PRKN: variants seen among roughly 807,000 people sequenced by gnomAD.
PRKN encodes the protein E3 ubiquitin-protein ligase parkin.
PRKN carries 56 observed loss-of-function variants against 59.5 expected under a neutral mutation model. The ratio of observed to expected loss-of-function variants is 0.94; its 90% CI spans 0.76 to 1.18. The LOEUF is 1.18. PRKN is among the 50% of genes most tolerant of loss of function. The probability of loss-of-function intolerance (pLI) is 0.00; values close to 1 mark genes in which losing one functional copy is unlikely to be tolerated. For synonymous variants in PRKN, 250 were observed against 222.1 expected, an observed-to-expected ratio of 1.13 and a Z score of -1.12; for missense variants, 657 against 596.4, an observed-to-expected ratio of 1.10 and a Z score of -1.06.
At chr6:161,375,187 T>G (rs1203410919) in intron 10 of PRKN, among the ~76,000 whole-genome samples, 5 of 151,806 alleles carry the variant, frequency 3.3e-5, no homozygotes, top group African/African-American at 4.8e-5. Flanking sequence ...CCCCCGGGGG[T>G]GCTGAGGCTC....
At chr6:162,401,972 G>A (rs976192885) in intron 2 of PRKN, among the ~76,000 whole-genome samples, 4 of 152,042 alleles carry the variant, frequency 2.6e-5, no homozygotes, top group Admixed American at 6.6e-5. Context: ...CAGTGTTGCC[G>A]GGTGAAGTGG....
chr6:161,750,096 G>A (rs1484636427), intron 7 of PRKN, among the ~76,000 whole-genome samples: 1 of 98,386 alleles, frequency 1.0e-5, no homozygotes, highest in African/African-American at 4.8e-5. Flanking sequence ...GCACACATAG[G>A]ACATATATAT....
At chr6:161,908,067 G>C (rs1000226982) in intron 6 of PRKN, among the ~76,000 whole-genome samples, 1 of 151,650 alleles carries the variant, frequency 6.6e-6, no homozygotes, top group African/African-American at 2.4e-5. Flanking sequence ...GACAAAGCAA[G>C]ACTCCATCTC....
chr6:162,239,116 T>C lies in PRKN; in HGVS notation c.412+23409A>G, dbSNP rs78439339. On this transcript the variant is annotated intron_variant, in intron 3 of 11. Transcript: ENST00000366898. ...AAATGTAATATTTTAGATAAATCAC[T>C]GAATACAATTAGTATAGTAAGTACA... Among the ~76,000 whole-genome samples the C allele has an allele frequency of 8.1e-3, 1,241 of 152,290 alleles. 15 individuals carry two copies. Among genetic ancestry groups the C allele is most frequent in the African/African-American group, 0.029 (1,199 of 41,562 alleles).
chr6:162,360,260 T>C (rs980712768), intron 2 of PRKN, among the ~76,000 whole-genome samples: 2 of 152,186 alleles, frequency 1.3e-5, no homozygotes, highest in Admixed American at 6.6e-5. Flanking sequence ...ATATTTGTTA[T>C]TTAATCCATG....
intron 6 of PRKN, 41 bp from the exon 7 acceptor site, chr6:161,785,949 G>T: frequency 6.2e-7 from 1 of 1,610,654 alleles, no homozygotes; most frequent in Non-Finnish European, 8.5e-7. Context: ...GTACCTGTCA[G>T]TGTGGAAAGG....
intron 6 of PRKN, among the ~76,000 whole-genome samples, chr6:161,855,117 G>C (rs899032262): frequency 7.0e-6 from 1 of 141,870 alleles, no homozygotes; most frequent in African/African-American, 2.6e-5. Flanking sequence ...AAAAGAAAAA[G>C]AAAAGTGGTT....
At chr6:161,537,004 T>C (rs1386507801) in intron 9 of PRKN, among the ~76,000 whole-genome samples, 1 of 152,230 alleles carries the variant, frequency 6.6e-6, no homozygotes, top group Non-Finnish European at 1.5e-5. Context: ...TTTAATCCTA[T>C]CTTTCTACTT....
chr6:162,525,524 C>T (rs967145129), intron 1 of PRKN, among the ~76,000 whole-genome samples: 1 of 152,200 alleles, frequency 6.6e-6, no homozygotes, highest in Non-Finnish European at 1.5e-5. Flanking sequence ...AAATTGGCTC[C>T]ATCTCCTCGA....
At chr6:162,130,087 T>C (rs1483294154) in intron 4 of PRKN, among the ~76,000 whole-genome samples, 1 of 152,240 alleles carries the variant, frequency 6.6e-6, no homozygotes, top group East Asian at 1.9e-4. Flanking sequence ...CATCTTATTG[T>C]ACAGACCCTA....
At chr6:162,177,049 AT>A (rs1783573233) in intron 4 of PRKN, among the ~76,000 whole-genome samples, 1 of 152,100 alleles carries the variant, frequency 6.6e-6, no homozygotes, top group South Asian at 2.1e-4. Context: ...ACACAAAAAA[AT>A]AAATAAATGC....
At chr6:162,456,410 A>G (rs1394059377) in intron 1 of PRKN, among the ~76,000 whole-genome samples, 1 of 152,192 alleles carries the variant, frequency 6.6e-6, no homozygotes, top group South Asian at 2.1e-4. Context: ...AGTGATTTGT[A>G]TACTAAAAAT....
At chr6:162,355,453 T>C (rs893996904) in intron 2 of PRKN, among the ~76,000 whole-genome samples, 1 of 151,842 alleles carries the variant, frequency 6.6e-6, no homozygotes. Flanking sequence ...TAGATATATA[T>C]ACACACACAC....
chr6:162,426,473 C>G (rs1373616364), intron 2 of PRKN, among the ~76,000 whole-genome samples: 1 of 152,196 alleles, frequency 6.6e-6, no homozygotes, highest in African/African-American at 2.4e-5. Context: ...TTTTCTGAGA[C>G]AAGGTCTGGC....
Position 161,428,463 on chromosome 6 carries a change from C to T in PRKN, c.1084-41586G>A, listed in dbSNP as rs112439738. On this transcript the variant is annotated intron_variant, in intron 9 of 11. Transcript: ENST00000366898. The surrounding 1 kb of genome is among the most constrained non-coding windows in gnomAD (Gnocchi z 4.0). ...AGCCTCATGGAGAGACAGGCGGCTG[C>T]TCCGTCCATCTTCGAACCTGGCTGG... 1.2e-4 allele frequency among the ~76,000 whole-genome samples: 18 copies of T among 152,114 alleles called. No homozygotes were observed. Among genetic ancestry groups the T allele is most frequent in the African/African-American group, 4.1e-4 (17 of 41,396 alleles).
chr6:162,252,306 G>A (rs1361669895), intron 3 of PRKN, among the ~76,000 whole-genome samples: 1 of 152,172 alleles, frequency 6.6e-6, no homozygotes, highest in Non-Finnish European at 1.5e-5. Flanking sequence ...TATTTGTCAG[G>A]TGAAGAATTC....
intron 2 of PRKN, among the ~76,000 whole-genome samples, chr6:162,355,488 G>A (rs1335737281): frequency 2.0e-5 from 3 of 151,708 alleles, no homozygotes; most frequent in African/African-American, 7.3e-5. Flanking sequence ...GGAGGAGTCA[G>A]GAAATACCTC....
intron 2 of PRKN, among the ~76,000 whole-genome samples, chr6:162,293,084 T>A (rs1781515874): frequency 6.6e-6 from 1 of 152,170 alleles, no homozygotes; most frequent in South Asian, 2.1e-4. Context: ...ATGTTTAGCA[T>A]CCTGGGTAAG....
intron 1 of PRKN, among the ~76,000 whole-genome samples, chr6:162,477,859 C>A: frequency 6.6e-6 from 1 of 152,172 alleles, no homozygotes; most frequent in East Asian, 1.9e-4. Context: ...TTATACCCGT[C>A]TTACAAATCC....
Sources: gnomAD v4.1 joint callset for allele counts (sites outside exome capture counted in the v4.1 genomes callset) on GRCh38, gnomAD v4.1.1 for gene constraint, Gnocchi (gnomAD v3.1) non-coding constraint, MANE v1.5 for transcripts, NCBI Gene and HGNC (gene_info 2026-07-23, HGNC 2026-07-21) for gene names.